The following SPON1 variants were observed in gnomAD, a reference collection of about 807,000 sequenced individuals.
SPON1 encodes the protein spondin-1.
A neutral mutation model predicts 111.7 loss-of-function variants in SPON1; 52 were observed. That is an observed-to-expected ratio of 0.47 (90% CI 0.37 to 0.59). The LOEUF (loss-of-function observed/expected upper bound fraction) is 0.59, where lower values mean the gene tolerates loss of function less well. SPON1 is among the 20% of genes least tolerant of loss of function. The probability of loss-of-function intolerance (pLI) is 0.00; values close to 1 mark genes in which losing one functional copy is unlikely to be tolerated. For missense variants in SPON1, 957 were observed against 1,068.5 expected, an observed-to-expected ratio of 0.90 and a Z score of 1.46; for synonymous variants, 410 against 395.8, an observed-to-expected ratio of 1.04 and a Z score of -0.43.
intron 6 of SPON1, among the ~76,000 whole-genome samples, chr11:14,240,927 A>T (rs1848919038): frequency 1.3e-5 from 2 of 152,214 alleles, no homozygotes; most frequent in Non-Finnish European, 2.9e-5. Flanking sequence ...GAGAGCTAAG[A>T]TATATAGTAT....
At chr11:14,050,968 G>A (rs782272477) in intron 3 of SPON1, among the ~76,000 whole-genome samples, 2 of 152,222 alleles carry the variant, frequency 1.3e-5, no homozygotes, top group Admixed American at 6.5e-5. Context: ...CACCATGCAG[G>A]CAAGACGTGC....
chr11:14,243,760 G>A (rs530640162), intron 7 of SPON1, among the ~76,000 whole-genome samples: 1 of 152,314 alleles, frequency 6.6e-6, no homozygotes, highest in Non-Finnish European at 1.5e-5. Context: ...TCTGATGTGT[G>A]GAAAGCCAGA....
intron 2 of SPON1, among the ~76,000 whole-genome samples, chr11:14,008,310 C>T (rs1284594773): frequency 6.6e-6 from 1 of 152,058 alleles, no homozygotes; most frequent in Non-Finnish European, 1.5e-5. Flanking sequence ...CGACAAATAC[C>T]AAGGAATGAT....
At position 14,259,402 on chromosome 11, in the gene SPON1, A is replaced by T. The variant is rs573223777; in HGVS notation, c.1615A>T (p.Thr539Ser). ...KQFPEDGSVCTLPTEETEKCT... is the reference protein window; with the variant it reads ...KQFPEDGSVCSLPTEETEKCT... ...GTTCCCGGAGGACGGCTCCGTGTGC[A>T]CGCTGCCCACTGAGGAAACGGAGAA... is the stretch of plus-strand genomic sequence containing the variant. The change falls in exon 12 of 16, where the codon ACG (threonine) becomes TCG (serine). Residue 539 changes from threonine to serine, a missense_variant. Physicochemically the swap from Thr to Ser is moderately conservative, Grantham distance 58 (BLOSUM62 1). This residue lies in a region of SPON1 where 549 missense variants were observed against 606.2 expected (regional missense o/e 0.91). Coordinates refer to ENST00000576479, the MANE Select transcript of SPON1 (RefSeq NM_006108.4). This position sits in a 1 kb window ranked among gnomAD's most constrained non-coding sequence, Gnocchi z 5.0. 9.3e-6 allele frequency: 15 copies of T among 1,611,412 alleles called. No homozygotes were observed. In the South Asian group the frequency reaches 1.7e-4, roughly 18 times the overall value.
At chr11:14,216,060 T>A (rs955382555) in intron 6 of SPON1, among the ~76,000 whole-genome samples, 23 of 152,214 alleles carry the variant, frequency 1.5e-4, no homozygotes, top group Non-Finnish European at 1.9e-4. Flanking sequence ...GGACAATTGT[T>A]CATCAAGGTG....
intron 5 of SPON1, among the ~76,000 whole-genome samples, chr11:14,109,534 T>C (rs1306319329): frequency 6.6e-6 from 1 of 152,186 alleles, no homozygotes; most frequent in Non-Finnish European, 1.5e-5. Context: ...ATTTGCATTG[T>C]TTTGCACATT....
At chr11:13,968,548 A>C (rs1238312176) in intron 1 of SPON1, among the ~76,000 whole-genome samples, 2 of 152,252 alleles carry the variant, frequency 1.3e-5, no homozygotes, top group Non-Finnish European at 2.9e-5. Flanking sequence ...AGTAAAATAC[A>C]CTAGTTAAAA....
chr11:14,084,781 C>T (rs1301576236), intron 5 of SPON1, among the ~76,000 whole-genome samples: 2 of 152,282 alleles, frequency 1.3e-5, no homozygotes, highest in Non-Finnish European at 2.9e-5. Flanking sequence ...TGAAAGCATT[C>T]CTATTTCTCC....
chr11:14,129,707 A>G (rs1847504563), intron 5 of SPON1, among the ~76,000 whole-genome samples: 1 of 152,112 alleles, frequency 6.6e-6, no homozygotes, highest in Non-Finnish European at 1.5e-5. Flanking sequence ...CCAATTTTCT[A>G]TATTAGTCCA....
chr11:14,028,065 T>G (rs546123565), intron 2 of SPON1, among the ~76,000 whole-genome samples: 2 of 152,296 alleles, frequency 1.3e-5, no homozygotes, highest in South Asian at 4.1e-4. Context: ...AGCTTTGGGG[T>G]CATGGAGGAT....
In SPON1 at chr11:13,992,031, C is replaced by T. The variant is rs539909929; in HGVS notation, c.345+9078C>T. Among the ~76,000 whole-genome samples, 101 of 152,284 alleles carry T rather than the reference C, an allele frequency of 6.6e-4. 1 individual carries two copies. Among genetic ancestry groups the T allele is most frequent in the Admixed American group, 1.3e-3 (20 of 15,294 alleles). On this transcript the variant is annotated intron_variant, in intron 2 of 15. Transcript: ENST00000576479. ...GGAGGTGTCTCCCAGTCAGAATACA[C>T]GGGGGTCAGGGACCCACTTGAGGAG...
chr11:14,143,712 G>T (rs1847685336), intron 6 of SPON1, among the ~76,000 whole-genome samples: 1 of 152,182 alleles, frequency 6.6e-6, no homozygotes, highest in Non-Finnish European at 1.5e-5. Context: ...GAAGAGAGGG[G>T]CACTGAAGAG....
At chr11:14,081,750 G>A (rs1554922072) in intron 5 of SPON1, among the ~76,000 whole-genome samples, 1 of 151,974 alleles carries the variant, frequency 6.6e-6, no homozygotes, top group Non-Finnish European at 1.5e-5. Flanking sequence ...CCAAAGGAAA[G>A]GGGGAGAAAA....
intron 6 of SPON1, among the ~76,000 whole-genome samples, chr11:14,201,370 A>AG (rs1282733514): frequency 2.0e-5 from 3 of 150,790 alleles, no homozygotes; most frequent in Admixed American, 6.6e-5. Context: ...AAACAAAAAA[A>AG]ACTACCAACT....
chr11:14,138,037 G>A (rs1847611812), intron 6 of SPON1, among the ~76,000 whole-genome samples: 1 of 152,152 alleles, frequency 6.6e-6, no homozygotes, highest in South Asian at 2.1e-4. Flanking sequence ...GAATACAAAA[G>A]TGTCCTCTGA....
chr11:13,992,780 C>T (rs1848241325), intron 2 of SPON1, among the ~76,000 whole-genome samples: 1 of 151,948 alleles, frequency 6.6e-6, no homozygotes, highest in Non-Finnish European at 1.5e-5. Context: ...AGGCTCAGTC[C>T]CTCATGGCTC....
intron 1 of SPON1, among the ~76,000 whole-genome samples, chr11:13,966,334 C>A (rs1481031079): frequency 6.6e-6 from 1 of 152,160 alleles, no homozygotes; most frequent in Non-Finnish European, 1.5e-5. Context: ...CCTCAAGGGG[C>A]TTCCCTTATA....
At chr11:14,119,763 C>G (rs1554926315) in intron 5 of SPON1, among the ~76,000 whole-genome samples, 1 of 152,106 alleles carries the variant, frequency 6.6e-6, no homozygotes, top group East Asian at 1.9e-4. Flanking sequence ...TAGAGTCTTT[C>G]CTCTCCCATC....
intron 6 of SPON1, among the ~76,000 whole-genome samples, chr11:14,198,059 T>C (rs1399670712): frequency 3.3e-5 from 5 of 152,212 alleles, no homozygotes; most frequent in African/African-American, 9.7e-5. Context: ...TTTAAGTAAT[T>C]GTGTAATTAA....
Sources: allele counts gnomAD v4.1 joint callset (sites outside exome capture counted in the v4.1 genomes callset), GRCh38; gene constraint gnomAD v4.1.1; regional missense constraint gnomAD v4.1.1; non-coding constraint Gnocchi (gnomAD v3.1); transcripts MANE v1.5; gene names NCBI Gene and HGNC (gene_info 2026-07-23, HGNC 2026-07-21).